Variants in SAMD9 observed in about 807,000 individuals in gnomAD.
SAMD9 encodes sterile alpha motif domain containing 9, also known as sterile alpha motif domain-containing protein 9.
In SAMD9, 3 loss-of-function variants were observed where a neutral mutation model predicts 1.5. The observed-to-expected ratio is 2.05, with a 90% confidence interval of 0.93 to 5.29. The LOEUF (loss-of-function observed/expected upper bound fraction) is 5.29, where lower values mean the gene tolerates loss of function less well. Ranked by LOEUF, SAMD9 falls within the 30% of genes most tolerant of loss-of-function variation. The pLI is 0.02. For missense variants in SAMD9, 1,597 were observed against 1,820.8 expected, an observed-to-expected ratio of 0.88 and a Z score of 2.24; for synonymous variants, 635 against 631.9, an observed-to-expected ratio of 1.00 and a Z score of -0.07.
At position 93,103,609 on chromosome 7, in the gene SAMD9, A is replaced by T; in HGVS notation, c.2489T>A (p.Val830Glu). 1 of 1,613,650 alleles carries T rather than the reference A, an allele frequency of 6.2e-7. No individual in the cohort carries two copies. The highest frequency in any genetic ancestry group is 8.5e-7 in the Non-Finnish European group (1 of 1,179,702). Residue 830 changes from valine to glutamate, a missense_variant, in exon 3 of 3, where the codon GTG becomes GAG. Around this residue, in one of 6 missense-constraint regions of SAMD9, gnomAD observed 55 missense variants for 58.6 expected, o/e 0.94. Coordinates refer to ENST00000379958, the MANE Select transcript of SAMD9 (RefSeq NM_017654.4). Reference protein sequence around the residue: ...KKYIRYEKPLVIILNCMRSQN... With the variant: ...KKYIRYEKPLEIILNCMRSQN... ...TGATCTCATACAATTTAGGATAATCACCAGAGGTTTTTCATATCGAATGTA... is the reference window on the plus strand; with the variant it reads ...TGATCTCATACAATTTAGGATAATCTCCAGAGGTTTTTCATATCGAATGTA...
Position 93,101,309 on chromosome 7 carries a change from G to C in SAMD9, c.*19C>G, listed in dbSNP as rs754410315. ...AATGGGTACTGAGATCAAATTCTTG[G>C]AGGAAGAATATCAGGCTCTTAAACA... On this transcript the variant is annotated 3_prime_UTR_variant, in exon 3 of 3. Transcript: ENST00000379958. The C allele has an allele frequency of 6.3e-7, 1 of 1,594,956 alleles. No homozygotes were observed. Among genetic ancestry groups the C allele is most frequent in the African/African-American group, 1.3e-5 (1 of 74,600 alleles).
At chr7:93,116,389 T>A (rs950084369) in intron 1 of SAMD9, among the ~76,000 whole-genome samples, 1 of 152,184 alleles carries the variant, frequency 6.6e-6, no homozygotes, top group Admixed American at 6.5e-5. Flanking sequence ...AATAAAGAAG[T>A]GACTTTTGAC....
rs1268126756 is a variant in SAMD9 at position 93,104,155 on chromosome 7, A to G, written c.1943T>C (p.Ile648Thr). The change falls in exon 3 of 3, where the codon ATC becomes ACC. Residue 648 changes from isoleucine to threonine, a missense_variant. Around this residue, in one of 6 missense-constraint regions of SAMD9, gnomAD observed 358 missense variants for 460.4 expected, o/e 0.78. Transcript: ENST00000379958. ...STVLLKKEED[I>T]MTALEIICEN... ...ACAGATAATTTCCAGAGCAGTCATG[A>G]TATCTTCTTCCTTTTTCAGAAGGAC... 1.2e-6 allele frequency: 2 copies of G among 1,613,968 alleles called. No individual in the cohort carries two copies. The highest frequency in any genetic ancestry group is 1.7e-6 in the Non-Finnish European group (2 of 1,179,880).
At chr7:93,116,921 C>T (rs1375555660) in intron 1 of SAMD9, among the ~76,000 whole-genome samples, 3 of 152,166 alleles carry the variant, frequency 2.0e-5, no homozygotes, top group Admixed American at 6.5e-5. Context: ...GGTTTGTTAA[C>T]TTTTCTAGAA....
At chr7:93,106,712 T>C (rs772156128) in intron 2 of SAMD9, among the ~76,000 whole-genome samples, 12 of 152,236 alleles carry the variant, frequency 7.9e-5, no homozygotes, top group Admixed American at 5.2e-4. Flanking sequence ...ATCATTTGTG[T>C]TCTCCATTGA....
At chr7:93,114,695 A>G (rs1440609248) in intron 2 of SAMD9, 100 bp downstream of exon 2, 1 of 152,202 alleles carries the variant, frequency 6.6e-6, no homozygotes, top group Non-Finnish European at 1.5e-5. Flanking sequence ...GAAAGGTGGC[A>G]CAAATAAGCA....
chr7:93,105,391 T>C lies in SAMD9; in HGVS notation c.707A>G (p.His236Arg), dbSNP rs772042070. 10 of 1,614,028 alleles carry C rather than the reference T, an allele frequency of 6.2e-6. No individual in the cohort carries two copies. In the South Asian group the frequency reaches 6.6e-5, roughly 11 times the overall value. The stretch of plus-strand genomic sequence containing the variant: ...ATGGGGTTTGTCTTTGACTCCAAAA[T>C]GAATAGTGCCATTGGTACGTGAATT... ...CMNSRTNGTI[H>R]FGVKDKPHGK... Residue 236 changes from histidine to arginine, a missense_variant, in exon 3 of 3, where the codon CAT becomes CGT. His to Arg is a conservative substitution (Grantham distance 29). Around this residue, in one of 6 missense-constraint regions of SAMD9, gnomAD observed 498 missense variants for 457.4 expected, o/e 1.09. Coordinates refer to ENST00000379958, the MANE Select transcript of SAMD9 (RefSeq NM_017654.4).
In SAMD9 at chr7:93,101,035, T is replaced by C. The variant is rs984024604; in HGVS notation, c.*293A>G. On this transcript the variant is annotated 3_prime_UTR_variant, in exon 3 of 3. Transcript: ENST00000379958. ...GTAGTGGGGTTCTGTGTAGCCAGCTTATTACACTAACTTCTCCTGACTCCA... is the reference window on the plus strand; with the variant it reads ...GTAGTGGGGTTCTGTGTAGCCAGCTCATTACACTAACTTCTCCTGACTCCA... 5 of 412,984 alleles carry C rather than the reference T, an allele frequency of 1.2e-5. No homozygotes were observed. Among genetic ancestry groups the C allele is most frequent in the African/African-American group, 4.1e-5 (2 of 49,364 alleles). 25.6% of individuals were successfully genotyped at this position (412,984 alleles called of 1,614,324 possible).
At position 93,102,097 on chromosome 7, in the gene SAMD9, C is replaced by A. The variant is rs141248575; in HGVS notation, c.4001G>T (p.Arg1334Ile). The A allele has an allele frequency of 2.3e-4, 365 of 1,613,184 alleles. No individual in the cohort carries two copies. The highest frequency in any genetic ancestry group is 2.9e-4 in the Non-Finnish European group (337 of 1,179,770). The change falls in exon 3 of 3, where the codon AGA becomes ATA. Residue 1334 changes from arginine (R) to isoleucine (I), a missense_variant. This residue lies in a region of SAMD9 where 682 missense variants were observed against 810.0 expected (regional missense o/e 0.84). Transcript: ENST00000379958. ...GTCTGCTTTTAAAGCTACTAGGTTT[C>A]TCCTGCATCTCTCTACTTGAAGTGG... ...SEPLQVERCR[R>I]NLVALKADKF...
chr7:93,114,437 T>C (rs1333123202), intron 2 of SAMD9, among the ~76,000 whole-genome samples: 2 of 152,120 alleles, frequency 1.3e-5, no homozygotes, highest in East Asian at 3.9e-4. Context: ...ACCCTAGAAC[T>C]TAAAGTATAG....
intron 2 of SAMD9, among the ~76,000 whole-genome samples, chr7:93,107,379 G>A (rs890742019): frequency 2.6e-5 from 4 of 152,140 alleles, no homozygotes; most frequent in Non-Finnish European, 5.9e-5. Flanking sequence ...TGATTCCTGA[G>A]CAATAACTTG....
At chr7:93,114,553 T>C (rs1791803588) in intron 2 of SAMD9, among the ~76,000 whole-genome samples, 1 of 151,400 alleles carries the variant, frequency 6.6e-6, no homozygotes, top group Non-Finnish European at 1.5e-5. Context: ...ATGAGAAAAA[T>C]AAAGATAAGA....
chr7:93,108,704 T>C (rs1791688909), intron 2 of SAMD9, among the ~76,000 whole-genome samples: 2 of 152,162 alleles, frequency 1.3e-5, no homozygotes, highest in Non-Finnish European at 2.9e-5. Context: ...CACTCACTGC[T>C]AGCACAGCAG....
Position 93,104,976 on chromosome 7 carries a change from T to C in SAMD9, c.1122A>G (p.Lys374=). ...ADFKTLAESR[K]AAEEKFRAKT... is the part of the protein sequence containing the mutation. ...TTGCTCTGAATTTTTCTTCTGCTGC[T>C]TTTCTGGACTCTGCCAGTGTTTTAA... The change falls in exon 3 of 3, where the codon AAA becomes AAG. Residue 374 remains lysine (K), a synonymous_variant. Coordinates refer to ENST00000379958, the MANE Select transcript of SAMD9 (RefSeq NM_017654.4). 6.2e-7 allele frequency: 1 copy of C among 1,611,300 alleles called. No homozygotes were observed. The highest frequency in any genetic ancestry group is 1.1e-5 in the South Asian group (1 of 90,140).
chr7:93,101,627 T>G lies in SAMD9; in HGVS notation c.4471A>C (p.Arg1491=), dbSNP rs2116412215. 1 of 1,613,928 alleles carries G rather than the reference T, an allele frequency of 6.2e-7. No homozygotes were observed. The highest frequency in any genetic ancestry group is 2.2e-5 in the East Asian group (1 of 44,878). ...FFLGKGKRLE[R]LVHKGKIDQC... is the part of the protein sequence containing the mutation. ...TCAATTTTTCCTTTGTGAACAAGTCTTTCCAGTCTTTTACCTTTTCCAAGA... is the reference window on the plus strand; with the variant it reads ...TCAATTTTTCCTTTGTGAACAAGTCGTTCCAGTCTTTTACCTTTTCCAAGA... Residue 1491 remains arginine (R), a synonymous_variant, in exon 3 of 3, where the codon AGA becomes CGA. Transcript: ENST00000379958.
chr7:93,101,938 T>C lies in SAMD9; in HGVS notation c.4160A>G (p.Asn1387Ser). 6.2e-7 allele frequency: 1 copy of C among 1,613,862 alleles called. No homozygotes were observed. The change falls in exon 3 of 3, where the codon AAT becomes AGT. Residue 1387 changes from asparagine to serine, a missense_variant. By Grantham distance (46) the Asn-to-Ser change is conservative (BLOSUM62 1). This residue lies in a region of SAMD9 where 682 missense variants were observed against 810.0 expected (regional missense o/e 0.84). Transcript: ENST00000379958. ...TVKIQSKEKL[N>S]FILANIILSC... ...GAGAATAATGTTGGCCAAGATGAAA[T>C]TTAGCTTTTCTTTTGACTGGATTTT...
chr7:93,107,260 T>C (rs1179355727), intron 2 of SAMD9, among the ~76,000 whole-genome samples: 1 of 152,124 alleles, frequency 6.6e-6, no homozygotes, highest in African/African-American at 2.4e-5. Flanking sequence ...CATCTTAATT[T>C]TGTCTGTGAG....
Position 93,101,986 on chromosome 7 carries a change from A to G in SAMD9, c.4112T>C (p.Phe1371Ser). The change falls in exon 3 of 3, where the codon TTT becomes TCT. Residue 1371 changes from phenylalanine (F) to serine (S), a missense_variant. Coordinates refer to ENST00000379958, the MANE Select transcript of SAMD9 (RefSeq NM_017654.4). ...TTTGACAGTGCATTGTTCTAAGAGA[A>G]AAGTATATTCGTTCACTATACATTT... ...TMKCIVNEYT[F>S]LLEQCTVKIQ... 6.2e-7 allele frequency: 1 copy of G among 1,613,830 alleles called. No individual in the cohort carries two copies. Among genetic ancestry groups the G allele is most frequent in the Non-Finnish European group, 8.5e-7 (1 of 1,179,790 alleles).
At chr7:93,115,241 G>A (rs977137827) in intron 1 of SAMD9, among the ~76,000 whole-genome samples, 2 of 152,214 alleles carry the variant, frequency 1.3e-5, no homozygotes, top group African/African-American at 4.8e-5. Context: ...AAATGTTGGT[G>A]ATGATGTGGA....
Sources: allele counts gnomAD v4.1 joint callset (sites outside exome capture counted in the v4.1 genomes callset), GRCh38; gene constraint gnomAD v4.1.1; regional missense constraint gnomAD v4.1.1; transcripts MANE v1.5; gene names NCBI Gene and HGNC (gene_info 2026-07-23, HGNC 2026-07-21).